The following ZNF148 variants were observed in gnomAD, a reference collection of about 807,000 sequenced individuals.
ZNF148 encodes the protein zinc finger protein 148, also known as Beta-Enolase Repressor Factor-1.
Under a neutral mutation model 67.7 loss-of-function variants are expected in ZNF148, and 7 were observed. The observed-to-expected ratio is 0.10, with a 90% CI of 0.06 to 0.19. ZNF148 has a LOEUF of 0.19. Among genes scored for constraint, ZNF148 ranks in the 10% least tolerant of loss-of-function variants. The probability of loss-of-function intolerance (pLI) is 1.00; values close to 1 mark genes in which losing one functional copy is unlikely to be tolerated. For synonymous variants in ZNF148, 333 were observed against 330.7 expected (o/e 1.01, Z -0.08); for missense variants, 583 against 947.1 (o/e 0.62, Z 5.05).
At position 125,232,463 on chromosome 3, in the gene ZNF148, C is replaced by A. The variant is rs772661188; in HGVS notation, c.2263G>T (p.Val755Leu). ...CTTGTCCCTGGTCCCCGAAGGTTCA[C>A]CTGTCCATTGGCAGTGCTAAATTGA... ...ATQFSTANGQ[V>L]NLRGPGTSAE... Residue 755 changes from valine (V) to leucine (L), a missense_variant, in exon 9 of 9, where the codon GTG becomes TTG. Val to Leu is a conservative substitution (Grantham distance 32). Coordinates refer to ENST00000360647, the MANE Select transcript of ZNF148 (RefSeq NM_021964.3). This position sits in a 1 kb window ranked among gnomAD's most constrained non-coding sequence, Gnocchi z 4.2. 1 of 1,613,678 alleles carries A rather than the reference C, an allele frequency of 6.2e-7. No homozygotes were observed. Among genetic ancestry groups the A allele is most frequent in the Non-Finnish European group, 8.5e-7 (1 of 1,179,764 alleles).
intron 4 of ZNF148, among the ~76,000 whole-genome samples, chr3:125,303,593 T>C (rs1023398323): frequency 4.6e-5 from 7 of 152,176 alleles, no homozygotes; most frequent in African/African-American, 7.2e-5. Flanking sequence ...TAATGCCTAA[T>C]TGATGATCTG....
chr3:125,282,961 T>C (rs1028201929), intron 5 of ZNF148, among the ~76,000 whole-genome samples: 2 of 152,162 alleles, frequency 1.3e-5, no homozygotes, highest in African/African-American at 4.8e-5. Context: ...CTAAACACTA[T>C]AGGTTTTTAT....
Position 125,331,164 on chromosome 3 carries a change from T to G in ZNF148, c.-159A>C, listed in dbSNP as rs1374448755. On this transcript the variant is annotated 5_prime_UTR_variant, in exon 2 of 9. Coordinates refer to ENST00000360647, the MANE Select transcript of ZNF148 (RefSeq NM_021964.3). ...TCAAAGAATGCTGAATTACCTCCAT[T>G]AAATACGTTAGGCAAACGCCCATCC... The G allele has an allele frequency of 2.5e-6, 1 of 398,454 alleles. No homozygotes were observed. The highest frequency in any genetic ancestry group is 4.4e-6 in the Non-Finnish European group (1 of 226,056). The allele number at this position is 398,454 out of a possible 1,614,324, so 24.7% of individuals were successfully genotyped here.
intron 3 of ZNF148, among the ~76,000 whole-genome samples, chr3:125,322,488 C>T (rs114861067): frequency 1.5e-3 from 90 of 60,392 alleles, no homozygotes; most frequent in Non-Finnish European, 1.5e-3. Flanking sequence ...CTGGTTGTGA[C>T]GTGACAAAGA....
chr3:125,276,487 G>A (rs1295842766), intron 7 of ZNF148, among the ~76,000 whole-genome samples: 4 of 151,968 alleles, frequency 2.6e-5, no homozygotes, highest in African/African-American at 7.3e-5. Context: ...AGGCTGGAGT[G>A]CAATGGCGCG....
chr3:125,276,859 A>C (rs1428422491), intron 7 of ZNF148, among the ~76,000 whole-genome samples: 1 of 152,186 alleles, frequency 6.6e-6, no homozygotes, highest in African/African-American at 2.4e-5. Flanking sequence ...TTTCACAAAT[A>C]CTGCAGGTCC....
In ZNF148 at chr3:125,229,592, G is replaced by C. The variant is rs191474247; in HGVS notation, c.*2749C>G. The C allele has an allele frequency of 9.2e-5, 14 of 152,250 alleles. No homozygotes were observed. The East Asian group carries it at 2.3e-3, about 25-fold the overall frequency. The allele number at this position is 152,250 out of a possible 1,614,324, so 9.4% of individuals were successfully genotyped here. A position where few individuals can be genotyped will look rare whatever the true frequency, so the allele number is the denominator to read the frequency against. On this transcript the variant is annotated 3_prime_UTR_variant, in exon 9 of 9. Coordinates refer to ENST00000360647, the MANE Select transcript of ZNF148 (RefSeq NM_021964.3). ...TGATGTTTCCAATCTTCAAACGTGA[G>C]TAGGTCCCAAGAGGAAAAGCACACC...
chr3:125,349,201 G>A (rs543436025), intron 1 of ZNF148, among the ~76,000 whole-genome samples: 3 of 152,190 alleles, frequency 2.0e-5, no homozygotes, highest in Admixed American at 1.3e-4. Context: ...CCAAAAGCAC[G>A]GGCAACAAGC....
At chr3:125,371,371 AAGGGGG>A (rs1942875175) in intron 1 of ZNF148, among the ~76,000 whole-genome samples, 3 of 39,760 alleles carry the variant, frequency 7.5e-5, no homozygotes, top group African/African-American at 1.2e-4. Context: ...AAAAAAAAAA[AAGGGGG>A]GGGGGGGGGC....
chr3:125,241,637 A>G (rs953592042), intron 7 of ZNF148, among the ~76,000 whole-genome samples: 1 of 152,206 alleles, frequency 6.6e-6, no homozygotes, highest in Non-Finnish European at 1.5e-5. Context: ...TTTTTCACTG[A>G]TGGAAAGACA....
intron 7 of ZNF148, among the ~76,000 whole-genome samples, chr3:125,248,245 T>A (rs1166905202): frequency 2.0e-5 from 3 of 152,204 alleles, no homozygotes; most frequent in Non-Finnish European, 4.4e-5. Flanking sequence ...TTAAAAACAA[T>A]GTTTACTAAA....
intron 1 of ZNF148, among the ~76,000 whole-genome samples, chr3:125,369,772 T>C (rs902435443): frequency 7.2e-5 from 11 of 152,072 alleles, no homozygotes; most frequent in African/African-American, 2.7e-4. Flanking sequence ...GGTCAGGAGT[T>C]CAAGACCAGC....
intron 7 of ZNF148, among the ~76,000 whole-genome samples, chr3:125,268,574 T>C (rs1937592940): frequency 6.6e-6 from 1 of 152,172 alleles, no homozygotes; most frequent in African/African-American, 2.4e-5. Flanking sequence ...AATTAAAGAC[T>C]TAAATGTAAA....
intron 7 of ZNF148, among the ~76,000 whole-genome samples, chr3:125,251,376 C>G (rs1332590047): frequency 1.3e-5 from 2 of 152,150 alleles, no homozygotes; most frequent in Admixed American, 1.3e-4. Context: ...ACATACTGAA[C>G]TGTAATAGAT....
At chr3:125,249,459 A>G (rs1936741132) in intron 7 of ZNF148, among the ~76,000 whole-genome samples, 1 of 152,162 alleles carries the variant, frequency 6.6e-6, no homozygotes, top group Non-Finnish European at 1.5e-5. Flanking sequence ...TGCAAGTCAA[A>G]AGCATGAGAT....
At chr3:125,278,100 G>A (rs1197283575) in intron 6 of ZNF148, among the ~76,000 whole-genome samples, 3 of 152,242 alleles carry the variant, frequency 2.0e-5, no homozygotes, top group South Asian at 2.1e-4. Context: ...ACATCATGGG[G>A]TGAGAAAGAA....
chr3:125,277,154 G>A (rs1230087794), intron 7 of ZNF148, among the ~76,000 whole-genome samples: 1 of 152,102 alleles, frequency 6.6e-6, no homozygotes, highest in Non-Finnish European at 1.5e-5. Context: ...TATAAAAGTT[G>A]GTTTTACCGT....
chr3:125,271,506 C>T (rs1260766539), intron 7 of ZNF148, among the ~76,000 whole-genome samples: 2 of 152,220 alleles, frequency 1.3e-5, no homozygotes, highest in African/African-American at 2.4e-5. Flanking sequence ...TTCGAAATTT[C>T]CTTGGTGCTT....
At position 125,244,306 on chromosome 3, in the gene ZNF148, T is replaced by C. The variant is rs567863817; in HGVS notation, c.668-9977A>G. On this transcript the variant is annotated intron_variant, in intron 7 of 8. Transcript: ENST00000360647. ...AGGTAAACTATATATGAGAGAGTTATAAAGACATAAGATTTATGTATAATC... is the reference window on the plus strand; with the variant it reads ...AGGTAAACTATATATGAGAGAGTTACAAAGACATAAGATTTATGTATAATC... Among the ~76,000 whole-genome samples the C allele has an allele frequency of 3.3e-5, 5 of 152,304 alleles. No homozygotes were observed. In the South Asian group the frequency reaches 1.0e-3, roughly 32 times the overall value.
Sources: gnomAD v4.1 joint callset for allele counts (sites outside exome capture counted in the v4.1 genomes callset) on GRCh38, gnomAD v4.1.1 for gene constraint, Gnocchi (gnomAD v3.1) non-coding constraint, MANE v1.5 for transcripts, NCBI Gene and HGNC (gene_info 2026-07-23, HGNC 2026-07-21) for gene names.